The following NRG3 variants were observed in gnomAD, a reference collection of about 807,000 sequenced individuals.
NRG3 encodes neuregulin 3.
In NRG3, 31 loss-of-function variants were observed where a neutral mutation model predicts 66.9. That is an observed-to-expected ratio of 0.46 (90% CI 0.35 to 0.63). The LOEUF is 0.63. NRG3 is among the 20% of genes least tolerant of loss of function. NRG3 has a pLI of 0.00. For synonymous variants in NRG3, 393 were observed against 359.4 expected, an observed-to-expected ratio of 1.09 and a Z score of -1.06; for missense variants, 910 against 878.9, an observed-to-expected ratio of 1.04 and a Z score of -0.45.
intron 1 of NRG3, among the ~76,000 whole-genome samples, chr10:82,212,230 GA>G (rs1308352090): frequency 6.6e-6 from 1 of 152,120 alleles, no homozygotes; most frequent in African/African-American, 2.4e-5. Flanking sequence ...TTGTTCTGAG[GA>G]GCAAAGAAGC....
At chr10:82,383,456 C>T (rs1313432676) in intron 2 of NRG3, among the ~76,000 whole-genome samples, 3 of 151,468 alleles carry the variant, frequency 2.0e-5, no homozygotes. Context: ...TTAGCATTGA[C>T]TCATTTTTGT....
At chr10:82,053,261 G>A (rs1329343294) in intron 1 of NRG3, among the ~76,000 whole-genome samples, 2 of 151,914 alleles carry the variant, frequency 1.3e-5, no homozygotes, top group Admixed American at 1.3e-4. Flanking sequence ...TAAAAGTTTG[G>A]TTCTCATTCA....
chr10:82,268,454 G>A (rs1054659175), intron 1 of NRG3, among the ~76,000 whole-genome samples: 2 of 152,060 alleles, frequency 1.3e-5, no homozygotes, highest in African/African-American at 4.8e-5. Context: ...TCAAAACCCT[G>A]TCTTCATCAC....
At chr10:82,903,263 T>C (rs570966635) in intron 4 of NRG3, among the ~76,000 whole-genome samples, 2 of 152,274 alleles carry the variant, frequency 1.3e-5, no homozygotes, top group South Asian at 4.1e-4. Context: ...ATGTTGAGCG[T>C]GTTTGCTTAA....
chr10:82,968,983 G>T (rs1247990275), intron 6 of NRG3, among the ~76,000 whole-genome samples: 4 of 152,162 alleles, frequency 2.6e-5, no homozygotes, highest in African/African-American at 9.6e-5. Flanking sequence ...AAAACTATCA[G>T]ATCTCATGAG....
chr10:82,662,359 TTA>T (rs1491499156), intron 2 of NRG3, among the ~76,000 whole-genome samples: 182 of 150,386 alleles, frequency 1.2e-3, no homozygotes, highest in South Asian at 6.3e-3. Context: ...ACAGACTCTT[TTA>T]AAAAAAAAAA....
At chr10:82,670,523 T>C (rs1427079845) in intron 2 of NRG3, among the ~76,000 whole-genome samples, 1 of 152,150 alleles carries the variant, frequency 6.6e-6, no homozygotes, top group Non-Finnish European at 1.5e-5. Context: ...GTACCTGCTC[T>C]TTATCAAACC....
intron 1 of NRG3, among the ~76,000 whole-genome samples, chr10:82,070,086 C>T (rs2064718879): frequency 6.6e-6 from 1 of 152,164 alleles, no homozygotes; most frequent in South Asian, 2.1e-4. Flanking sequence ...ATATGTTGGT[C>T]AAATCAAGAG....
rs77674530 is a variant in NRG3 at position 82,790,150 on chromosome 10, T to G, written c.1027+51500T>G. ...AAAGGGGCTTACAAACTGTATTGTC[T>G]CTAATATTTATTTATGTAGTTATCT... On this transcript the variant is annotated intron_variant, in intron 3 of 8. Transcript: ENST00000372141. Among the ~76,000 whole-genome samples the G allele has an allele frequency of 1.0e-3, 156 of 152,244 alleles. 3 individuals carry two copies. The East Asian group carries it at 0.019, about 18-fold the overall frequency.
chr10:81,936,087 A>G (rs1847844180), intron 1 of NRG3, among the ~76,000 whole-genome samples: 1 of 152,152 alleles, frequency 6.6e-6, no homozygotes, highest in African/African-American at 2.4e-5. Context: ...AAGGAGATCT[A>G]TTATACTTCC....
intron 2 of NRG3, among the ~76,000 whole-genome samples, chr10:82,593,372 A>G (rs980624020): frequency 6.6e-6 from 1 of 152,214 alleles, no homozygotes; most frequent in African/African-American, 2.4e-5. Context: ...ATTATTTGTA[A>G]CATGAGCTCT....
At position 81,973,456 on chromosome 10, in the gene NRG3, T is replaced by C. The variant is rs573936576; in HGVS notation, c.823+97293T>C. ...GGATTGTTGGGTCAAATAATATTTC[T>C]GGTTCTAAATCTTCGAGGAGTCGCC... On this transcript the variant is annotated intron_variant, in intron 1 of 8. Coordinates refer to ENST00000372141, the MANE Select transcript of NRG3 (RefSeq NM_001010848.4). Among the ~76,000 whole-genome samples the C allele has an allele frequency of 6.6e-5, 10 of 152,358 alleles. No individual in the cohort carries two copies. In the South Asian group the frequency reaches 1.2e-3, roughly 19 times the overall value.
intron 2 of NRG3, among the ~76,000 whole-genome samples, chr10:82,441,018 A>T (rs1047224120): frequency 2.0e-5 from 3 of 152,254 alleles, no homozygotes; most frequent in Non-Finnish European, 4.4e-5. Flanking sequence ...ATATAAATAC[A>T]TAACAAATCC....
At chr10:82,516,604 T>C (rs563989491) in intron 2 of NRG3, among the ~76,000 whole-genome samples, 75 of 152,316 alleles carry the variant, frequency 4.9e-4, no homozygotes, top group African/African-American at 1.6e-3. Flanking sequence ...TAACCCATAA[T>C]AATGCCTCTT....
intron 3 of NRG3, among the ~76,000 whole-genome samples, chr10:82,747,789 G>A (rs2058705986): frequency 6.6e-6 from 1 of 151,660 alleles, no homozygotes; most frequent in African/African-American, 2.4e-5. Context: ...ATTTTTTGAA[G>A]CATACAAAAG....
At chr10:82,109,829 A>C (rs909281502) in intron 1 of NRG3, among the ~76,000 whole-genome samples, 13 of 151,940 alleles carry the variant, frequency 8.6e-5, no homozygotes, top group Admixed American at 5.3e-4. Context: ...GCAGGTGCAG[A>C]ACTAAAGAAC....
chr10:82,347,487 C>G (rs376389115), intron 1 of NRG3, among the ~76,000 whole-genome samples: 27 of 151,526 alleles, frequency 1.8e-4, no homozygotes, highest in Middle Eastern at 3.4e-3. Context: ...TTACTTCCAA[C>G]TATGTGGTCA....
chr10:82,894,653 A>C (rs780898730), intron 4 of NRG3, among the ~76,000 whole-genome samples: 5 of 152,144 alleles, frequency 3.3e-5, no homozygotes, highest in African/African-American at 4.8e-5. Flanking sequence ...TTCATCTATT[A>C]CCTTCACTGA....
intron 1 of NRG3, among the ~76,000 whole-genome samples, chr10:82,316,243 AAC>A (rs1489973546): frequency 6.6e-6 from 1 of 152,184 alleles, no homozygotes; most frequent in Non-Finnish European, 1.5e-5. Context: ...GAATATTCAA[AAC>A]ACTCCTATAA....
Sources: gnomAD v4.1 joint callset for allele counts (sites outside exome capture counted in the v4.1 genomes callset) on GRCh38, gnomAD v4.1.1 for gene constraint, MANE v1.5 for transcripts, NCBI Gene and HGNC (gene_info 2026-07-23, HGNC 2026-07-21) for gene names.